The following CRISPLD2 variants were observed in gnomAD, a reference collection of about 807,000 sequenced individuals.
The protein encoded by CRISPLD2 is cysteine-rich secretory protein LCCL domain-containing 2.
In CRISPLD2, 47 loss-of-function variants were observed where a neutral mutation model predicts 71.1. The observed-to-expected ratio is 0.66, with a 90% CI of 0.52 to 0.84. The LOEUF (loss-of-function observed/expected upper bound fraction) is 0.84. Ranked by LOEUF, CRISPLD2 falls within the 40% of genes least tolerant of loss-of-function variation. The pLI is 0.00. For missense variants in CRISPLD2, 830 were observed against 651.1 expected, an observed-to-expected ratio of 1.27 and a Z score of -2.99; for synonymous variants, 317 against 250.1, an observed-to-expected ratio of 1.27 and a Z score of -2.52.
rs368027457 is a variant in CRISPLD2 at position 84,901,187 on chromosome 16, T to C, written c.1440-5401T>C. 2.0e-4 allele frequency among the ~76,000 whole-genome samples: 31 copies of C among 152,272 alleles called. No individual in the cohort carries two copies. In the East Asian group the frequency reaches 2.5e-3, roughly 12 times the overall value. On this transcript the variant is annotated intron_variant, in intron 14 of 14. Coordinates refer to ENST00000262424, the MANE Select transcript of CRISPLD2 (RefSeq NM_031476.4). ...TAGTAAAGCAACAAATCCCGAGATA[T>C]ATTGTTAAGCTAAAAAAGCAAAGTG...
chr16:84,829,433 C>T (rs1916433307), intron 1 of CRISPLD2, among the ~76,000 whole-genome samples: 1 of 152,160 alleles, frequency 6.6e-6, no homozygotes, highest in Non-Finnish European at 1.5e-5. Context: ...ACCCCTCCTT[C>T]CAGCCACTGC....
At chr16:84,834,082 T>G (rs747137307) in intron 1 of CRISPLD2, among the ~76,000 whole-genome samples, 13 of 152,182 alleles carry the variant, frequency 8.5e-5, no homozygotes, top group Non-Finnish European at 1.3e-4. Flanking sequence ...GCTCCAGACT[T>G]GCTGCTCGCC....
intron 8 of CRISPLD2, 40 bp from the exon 9 acceptor site, chr16:84,872,402 G>A (rs568906326): frequency 4.6e-5 from 71 of 1,531,612 alleles, no homozygotes; most frequent in South Asian, 6.7e-5. Flanking sequence ...TGTAATCAAC[G>A]TGCTTATCTC....
intron 14 of CRISPLD2, among the ~76,000 whole-genome samples, chr16:84,903,153 C>G (rs1178720785): frequency 1.3e-5 from 2 of 152,126 alleles, no homozygotes; most frequent in Non-Finnish European, 2.9e-5. Context: ...TCTGTTGGGC[C>G]TAGCCCAGTC....
At chr16:84,833,859 C>T (rs553848389) in intron 1 of CRISPLD2, among the ~76,000 whole-genome samples, 5 of 152,308 alleles carry the variant, frequency 3.3e-5, no homozygotes, top group African/African-American at 1.2e-4. Context: ...CCTGACTCCC[C>T]CAGCCCAGCA....
intron 2 of CRISPLD2, 105 bp downstream of exon 2, chr16:84,838,840 T>C: frequency 1.4e-6 from 2 of 1,428,632 alleles, no homozygotes; most frequent in Non-Finnish European, 1.9e-6. Flanking sequence ...GTGCGTGTGA[T>C]GGCTGGCTCA....
intron 14 of CRISPLD2, among the ~76,000 whole-genome samples, chr16:84,897,162 G>C (rs910318201): frequency 1.3e-5 from 2 of 152,184 alleles, no homozygotes; most frequent in African/African-American, 4.8e-5. Flanking sequence ...GGCCTTTCTA[G>C]GCCGGGTGCG....
intron 14 of CRISPLD2, among the ~76,000 whole-genome samples, chr16:84,899,564 G>A (rs533999439): frequency 4.6e-5 from 7 of 152,286 alleles, no homozygotes; most frequent in Admixed American, 1.3e-4. Context: ...TACCTGTGGC[G>A]GTGGATGGCA....
chr16:84,861,435 AG>A (rs1917378235), intron 6 of CRISPLD2, among the ~76,000 whole-genome samples: 1 of 152,184 alleles, frequency 6.6e-6, no homozygotes, highest in African/African-American at 2.4e-5. Flanking sequence ...CGAGTCCCAA[AG>A]CTAAAGAACT....
chr16:84,836,927 G>T (rs1198696335), intron 1 of CRISPLD2, among the ~76,000 whole-genome samples: 2 of 152,188 alleles, frequency 1.3e-5, no homozygotes, highest in Non-Finnish European at 2.9e-5. Context: ...CGGCCCTCGA[G>T]GGCCTGGCAC....
chr16:84,879,786 A>G (rs939657633), intron 12 of CRISPLD2, among the ~76,000 whole-genome samples: 4 of 151,358 alleles, frequency 2.6e-5, no homozygotes, highest in African/African-American at 4.9e-5. Flanking sequence ...CCTTCCCATA[A>G]TCCTGCCTGC....
At chr16:84,902,453 G>C (rs146173232) in intron 14 of CRISPLD2, among the ~76,000 whole-genome samples, 2,476 of 151,382 alleles carry the variant, frequency 0.016, 34 homozygotes, top group South Asian at 0.036. Flanking sequence ...ACTAAAAATA[G>C]AAAAAAATTA....
chr16:84,852,873 C>T (rs561166601), intron 5 of CRISPLD2, among the ~76,000 whole-genome samples: 2 of 152,254 alleles, frequency 1.3e-5, no homozygotes, highest in East Asian at 3.9e-4. Context: ...TCAAGACCAG[C>T]CTTGGCAACT....
intron 3 of CRISPLD2, among the ~76,000 whole-genome samples, chr16:84,847,640 G>T (rs1007691815): frequency 1.4e-5 from 2 of 146,070 alleles, no homozygotes; most frequent in East Asian, 4.0e-4. Context: ...GACAGTGCAA[G>T]AATTCGTCTC....
chr16:84,873,179 G>A lies in CRISPLD2; in HGVS notation c.1112+57G>A, dbSNP rs574305144. 1.1e-4 allele frequency: 170 copies of A among 1,567,840 alleles called. 3 individuals carry two copies. In the South Asian group the frequency reaches 1.9e-3, roughly 18 times the overall value. Reference sequence around the variant, plus strand: ...CGGTTTTCCTGTTTATGACGGTGTTGTTGAAATTTTGAAAAATACCACACA... The same window carrying A: ...CGGTTTTCCTGTTTATGACGGTGTTATTGAAATTTTGAAAAATACCACACA... On this transcript the variant is annotated intron_variant, in intron 10 of 14. Transcript: ENST00000262424.
In CRISPLD2 at chr16:84,845,857, C is replaced by T. The variant is rs1262224709; in HGVS notation, c.312C>T (p.Thr104=). 4 of 1,614,002 alleles carry T rather than the reference C, an allele frequency of 2.5e-6. No individual in the cohort carries two copies. Among genetic ancestry groups the T allele is most frequent in the East Asian group, 2.2e-5 (1 of 44,872 alleles). The change falls in exon 3 of 15, where the codon ACC becomes ACT. Residue 104 remains threonine, a synonymous_variant. Transcript: ENST00000262424. ...AGTGCATCTGGGAGCACGGGCCCAC[C>T]AGTCTGCTGGTGTCCATCGGGCAGA... ...ASQCIWEHGP[T]SLLVSIGQNL...
intron 14 of CRISPLD2, among the ~76,000 whole-genome samples, chr16:84,898,052 C>T (rs2071721783): frequency 6.6e-6 from 1 of 152,248 alleles, no homozygotes; most frequent in Admixed American, 6.5e-5. Flanking sequence ...CATGGAGAGA[C>T]CATCATCCGT....
intron 5 of CRISPLD2, among the ~76,000 whole-genome samples, chr16:84,851,608 C>T (rs1177751932): frequency 4.6e-5 from 7 of 152,198 alleles, no homozygotes; most frequent in Admixed American, 3.3e-4. Context: ...TCTGGTGTGC[C>T]TGCGGTGGCG....
chr16:84,885,861 CA>C (rs944799483), intron 13 of CRISPLD2, among the ~76,000 whole-genome samples: 4 of 134,316 alleles, frequency 3.0e-5, no homozygotes, highest in Non-Finnish European at 6.2e-5. Context: ...CTCTGTCACA[CA>C]GGCTGGAGTG....
Sources: gnomAD v4.1 joint callset for allele counts (sites outside exome capture counted in the v4.1 genomes callset) on GRCh38, gnomAD v4.1.1 for gene constraint, MANE v1.5 for transcripts, NCBI Gene and HGNC (gene_info 2026-07-23, HGNC 2026-07-21) for gene names.